NRG3: variants seen among roughly 807,000 people sequenced by gnomAD.
NRG3 encodes neuregulin 3.
NRG3 carries 31 observed loss-of-function variants against 66.9 expected under a neutral mutation model. The observed-to-expected ratio is 0.46, with a 90% confidence interval of 0.35 to 0.63. NRG3 has a LOEUF of 0.63. Ranked by LOEUF, NRG3 falls within the 20% of genes least tolerant of loss-of-function variation. The probability of loss-of-function intolerance (pLI) is 0.00; values close to 1 mark genes in which losing one functional copy is unlikely to be tolerated. For missense variants in NRG3, 910 were observed against 878.9 expected (o/e 1.04, Z -0.45); for synonymous variants, 393 against 359.4 (o/e 1.09, Z -1.06).
At chr10:81,891,926 G>A (rs571662121) in intron 1 of NRG3, among the ~76,000 whole-genome samples, 41 of 152,148 alleles carry the variant, frequency 2.7e-4, no homozygotes, top group African/African-American at 8.2e-4. Flanking sequence ...TCTCTGGCTC[G>A]CTCTCTCCCT....
chr10:82,614,392 C>T (rs1273527547), intron 2 of NRG3, among the ~76,000 whole-genome samples: 1 of 152,198 alleles, frequency 6.6e-6, no homozygotes, highest in Non-Finnish European at 1.5e-5. Flanking sequence ...AGTATAAATA[C>T]TAGAGCTTTA....
chr10:82,116,424 A>G (rs933527543), intron 1 of NRG3, among the ~76,000 whole-genome samples: 6 of 152,168 alleles, frequency 3.9e-5, no homozygotes, highest in Admixed American at 1.3e-4. Flanking sequence ...AGGAAGTGCT[A>G]TGTATCAACA....
At chr10:82,599,215 G>A (rs1019963699) in intron 2 of NRG3, among the ~76,000 whole-genome samples, 10 of 152,122 alleles carry the variant, frequency 6.6e-5, no homozygotes, top group African/African-American at 2.4e-4. Context: ...CATATGGGAG[G>A]ACAAAAGTGA....
At chr10:82,511,949 C>T (rs1452470229) in intron 2 of NRG3, among the ~76,000 whole-genome samples, 1 of 151,784 alleles carries the variant, frequency 6.6e-6, no homozygotes, top group Non-Finnish European at 1.5e-5. Flanking sequence ...GAAATGATTT[C>T]AGAAACTGTA....
At chr10:82,059,263 A>G (rs955488472) in intron 1 of NRG3, among the ~76,000 whole-genome samples, 2 of 152,242 alleles carry the variant, frequency 1.3e-5, no homozygotes, top group African/African-American at 2.4e-5. Context: ...ATAGAAAATG[A>G]CAAAACCCTT....
intron 4 of NRG3, among the ~76,000 whole-genome samples, chr10:82,900,208 C>T (rs960767060): frequency 3.9e-5 from 6 of 152,080 alleles, no homozygotes; most frequent in African/African-American, 1.4e-4. Flanking sequence ...TGAGGGATCC[C>T]CTGCCATGGT....
At chr10:82,783,043 G>C (rs947230170) in intron 3 of NRG3, among the ~76,000 whole-genome samples, 2 of 152,168 alleles carry the variant, frequency 1.3e-5, no homozygotes, top group African/African-American at 4.8e-5. Flanking sequence ...GGGATGCAAG[G>C]CTGGTTCAAT....
intron 2 of NRG3, among the ~76,000 whole-genome samples, chr10:82,431,790 T>A (rs931909467): frequency 1.3e-5 from 2 of 152,186 alleles, no homozygotes; most frequent in Non-Finnish European, 2.9e-5. Context: ...GTTTATCTTC[T>A]TGCTCAAAAT....
At chr10:82,208,555 G>C (rs1403266178) in intron 1 of NRG3, among the ~76,000 whole-genome samples, 1 of 151,902 alleles carries the variant, frequency 6.6e-6, no homozygotes, top group African/African-American at 2.4e-5. Flanking sequence ...CTATAAAAGA[G>C]CACGAACAAA....
intron 2 of NRG3, among the ~76,000 whole-genome samples, chr10:82,621,061 G>T (rs1380424314): frequency 6.6e-6 from 1 of 151,912 alleles, no homozygotes; most frequent in Admixed American, 6.6e-5. Context: ...TTAATTAATT[G>T]CCCAGTGTCA....
intron 3 of NRG3, among the ~76,000 whole-genome samples, chr10:82,761,965 TTTC>T (rs1395194286): frequency 2.0e-4 from 29 of 144,532 alleles, no homozygotes; most frequent in Admixed American, 2.8e-4. Context: ...TCTTTCTTTC[TTTC>T]TTTCTTTTCT....
intron 4 of NRG3, among the ~76,000 whole-genome samples, chr10:82,883,942 GTT>G (rs545422416): frequency 7.0e-6 from 1 of 143,044 alleles, no homozygotes; most frequent in Non-Finnish European, 1.5e-5. Flanking sequence ...TTTTGCTATA[GTT>G]TTTTTTTTTT....
chr10:82,912,102 G>T (rs1845378149), intron 4 of NRG3, among the ~76,000 whole-genome samples: 1 of 152,116 alleles, frequency 6.6e-6, no homozygotes, highest in Admixed American at 6.5e-5. Context: ...AGAATTTGGT[G>T]AATATTTTAT....
intron 2 of NRG3, among the ~76,000 whole-genome samples, chr10:82,619,064 G>T (rs889066896): frequency 1.3e-5 from 2 of 151,846 alleles, no homozygotes; most frequent in African/African-American, 4.8e-5. Flanking sequence ...TACCATTAGA[G>T]ATTTTTATTT....
At chr10:82,521,224 T>C (rs1362425070) in intron 2 of NRG3, among the ~76,000 whole-genome samples, 1 of 152,156 alleles carries the variant, frequency 6.6e-6, no homozygotes, top group Non-Finnish European at 1.5e-5. Context: ...TTACTAAAAA[T>C]ACTAACAATC....
intron 1 of NRG3, among the ~76,000 whole-genome samples, chr10:81,913,828 C>G (rs1170867778): frequency 6.6e-6 from 1 of 152,068 alleles, no homozygotes; most frequent in Non-Finnish European, 1.5e-5. Context: ...GGAGATCACA[C>G]TTTTACTCCA....
intron 4 of NRG3, among the ~76,000 whole-genome samples, chr10:82,949,379 G>T (rs181069523): frequency 1.3e-5 from 2 of 151,566 alleles, no homozygotes; most frequent in Non-Finnish European, 2.9e-5. Flanking sequence ...GATAATACTG[G>T]CATCATAAAA....
intron 2 of NRG3, among the ~76,000 whole-genome samples, chr10:82,449,630 C>T (rs762689473): frequency 6.6e-5 from 10 of 152,152 alleles, no homozygotes; most frequent in Admixed American, 3.3e-4. Context: ...CTAAGATGAA[C>T]TTAAATGCCC....
At chr10:82,124,864 C>T (rs1271962159) in intron 1 of NRG3, among the ~76,000 whole-genome samples, 1 of 151,866 alleles carries the variant, frequency 6.6e-6, no homozygotes, top group Admixed American at 6.6e-5. Flanking sequence ...CACAGCAAAA[C>T]ATCATATCAT....
Sources: allele counts gnomAD v4.1 joint callset (sites outside exome capture counted in the v4.1 genomes callset), GRCh38; gene constraint gnomAD v4.1.1; transcripts MANE v1.5; gene names NCBI Gene and HGNC (gene_info 2026-07-23, HGNC 2026-07-21).